The following GAS2L3 variants were observed in gnomAD, a reference collection of about 807,000 sequenced individuals.
GAS2L3 encodes GAS2-like protein 3.
GAS2L3 carries 28 observed loss-of-function variants against 37.0 expected under a neutral mutation model. That is an observed-to-expected ratio of 0.76 (90% confidence interval 0.56 to 1.04). The LOEUF is 1.04. Ranked by LOEUF, GAS2L3 falls within the 50% of genes least tolerant of loss-of-function variation. GAS2L3 has a pLI of 0.00. For synonymous variants in GAS2L3, 290 were observed against 296.6 expected, an observed-to-expected ratio of 0.98 and a Z score of 0.23; for missense variants, 793 against 817.6, an observed-to-expected ratio of 0.97 and a Z score of 0.37.
chr12:100,610,223 A>T (rs1392484493), intron 5 of GAS2L3, among the ~76,000 whole-genome samples: 1 of 152,266 alleles, frequency 6.6e-6, no homozygotes, highest in Admixed American at 6.5e-5. Context: ...AATTAGGAAC[A>T]ACCTAAATGT....
intron 1 of GAS2L3, among the ~76,000 whole-genome samples, chr12:100,586,995 G>A (rs1955789502): frequency 6.6e-6 from 1 of 152,034 alleles, no homozygotes; most frequent in Admixed American, 6.6e-5. Flanking sequence ...ATACATTACT[G>A]GAAAAATACA....
intron 1 of GAS2L3, among the ~76,000 whole-genome samples, chr12:100,590,947 G>A (rs1955839237): frequency 1.3e-5 from 2 of 150,024 alleles, no homozygotes; most frequent in South Asian, 4.3e-4. Context: ...GTGGGAGGGG[G>A]GCAAGGGATA....
chr12:100,616,015 G>GAA (rs143757345), intron 6 of GAS2L3, among the ~76,000 whole-genome samples: 2 of 149,628 alleles, frequency 1.3e-5, no homozygotes, highest in African/African-American at 2.4e-5. Flanking sequence ...TCCATTTCTG[G>GAA]AAAAAAAAAG....
chr12:100,619,348 A>G (rs1956226012), intron 8 of GAS2L3, among the ~76,000 whole-genome samples: 3 of 152,056 alleles, frequency 2.0e-5, no homozygotes, highest in Admixed American at 2.0e-4. Context: ...TGCAGTGACT[A>G]CAATGTGAAC....
intron 5 of GAS2L3, among the ~76,000 whole-genome samples, chr12:100,610,434 T>C (rs1956112516): frequency 6.6e-6 from 1 of 152,144 alleles, no homozygotes; most frequent in African/African-American, 2.4e-5. Context: ...GATACAAATA[T>C]GTGTGTAGTT....
At chr12:100,608,518 G>C (rs2136508756) in intron 5 of GAS2L3, among the ~76,000 whole-genome samples, 1 of 152,274 alleles carries the variant, frequency 6.6e-6, no homozygotes, top group East Asian at 1.9e-4. Flanking sequence ...GTCTAGGAGT[G>C]AGATTGAAGT....
intron 1 of GAS2L3, among the ~76,000 whole-genome samples, chr12:100,574,429 C>G (rs935408248): frequency 1.3e-5 from 2 of 152,158 alleles, no homozygotes; most frequent in African/African-American, 4.8e-5. Context: ...CGCCCACAAC[C>G]CTCAGTTTGG....
At chr12:100,599,788 T>C (rs1157670992) in intron 3 of GAS2L3, among the ~76,000 whole-genome samples, 1 of 152,240 alleles carries the variant, frequency 6.6e-6, no homozygotes, top group Admixed American at 6.5e-5. Context: ...ATGTTAAGAC[T>C]CTGGTCAAGT....
chr12:100,575,476 AT>A (rs58446699), intron 1 of GAS2L3, among the ~76,000 whole-genome samples: 4,437 of 88,416 alleles, frequency 0.05, 28 homozygotes, highest in Middle Eastern at 0.074. Context: ...TGTTATCTCT[AT>A]TTTTTTTTTT....
intron 1 of GAS2L3, chr12:100,578,900 A>G: frequency 1.2e-6 from 1 of 866,094 alleles, no homozygotes; most frequent in Non-Finnish European, 1.9e-6. Flanking sequence ...GGAAAGCCAC[A>G]TTTACCAGCT....
At chr12:100,602,922 C>A (rs1956010659) in intron 5 of GAS2L3, among the ~76,000 whole-genome samples, 1 of 152,106 alleles carries the variant, frequency 6.6e-6, no homozygotes, top group African/African-American at 2.4e-5. Context: ...TGATGTATTT[C>A]ACTTAACATA....
intron 1 of GAS2L3, among the ~76,000 whole-genome samples, chr12:100,574,980 ATT>A (rs201675962): frequency 3.4e-5 from 5 of 146,772 alleles, no homozygotes; most frequent in African/African-American, 9.9e-5. Context: ...AGAAGTAGTA[ATT>A]TTTTTTTTTT....
intron 1 of GAS2L3, among the ~76,000 whole-genome samples, chr12:100,581,943 TTAAAA>T (rs1200510365): frequency 2.6e-5 from 4 of 152,246 alleles, no homozygotes; most frequent in Admixed American, 1.3e-4. Flanking sequence ...AACTTGCAAA[TTAAAA>T]TATTTTTATT....
At chr12:100,622,878 T>G (rs539444414) in intron 9 of GAS2L3, among the ~76,000 whole-genome samples, 19 of 151,400 alleles carry the variant, frequency 1.3e-4, no homozygotes, top group African/African-American at 4.4e-4. Flanking sequence ...TGTATACCAG[T>G]ATGCTGATAT....
chr12:100,605,596 G>A (rs1956046149), intron 5 of GAS2L3, among the ~76,000 whole-genome samples: 2 of 151,198 alleles, frequency 1.3e-5, no homozygotes, highest in Admixed American at 1.3e-4. Context: ...TTTATTTTAT[G>A]TTTTTCTTCT....
chr12:100,623,163 G>A (rs1956280288), intron 9 of GAS2L3, among the ~76,000 whole-genome samples: 1 of 151,968 alleles, frequency 6.6e-6, no homozygotes, highest in Non-Finnish European at 1.5e-5. Context: ...CTGTTTTAAG[G>A]CAGTATGATG....
intron 5 of GAS2L3, among the ~76,000 whole-genome samples, chr12:100,606,507 A>C (rs371629108): frequency 2.0e-5 from 3 of 152,040 alleles, no homozygotes; most frequent in South Asian, 4.1e-4. Flanking sequence ...ATAATTGATA[A>C]ATAAGGACTT....
intron 1 of GAS2L3, among the ~76,000 whole-genome samples, chr12:100,580,587 G>C (rs891428112): frequency 6.6e-6 from 1 of 152,162 alleles, no homozygotes; most frequent in Non-Finnish European, 1.5e-5. Context: ...ACACTCACTA[G>C]ATGTTTACAA....
chr12:100,623,315 A>G lies in GAS2L3; in HGVS notation c.757-247A>G, dbSNP rs557463210. ...AGAGCCAGGATGTCTTATTTTTAGGATGCAAGTTATATGTAAATACCTTCC... is the reference window on the plus strand; with the variant it reads ...AGAGCCAGGATGTCTTATTTTTAGGGTGCAAGTTATATGTAAATACCTTCC... On this transcript the variant is annotated intron_variant, in intron 9 of 9. Coordinates refer to ENST00000547754, the MANE Select transcript of GAS2L3 (RefSeq NM_174942.3). Among the ~76,000 whole-genome samples, 67 of 152,318 alleles carry G rather than the reference A, an allele frequency of 4.4e-4. 1 individual carries two copies. The highest frequency in any genetic ancestry group is 8.2e-4 in the Non-Finnish European group (56 of 68,032).
Sources: gnomAD v4.1 joint callset for allele counts (sites outside exome capture counted in the v4.1 genomes callset) on GRCh38, gnomAD v4.1.1 for gene constraint, MANE v1.5 for transcripts, NCBI Gene and HGNC (gene_info 2026-07-23, HGNC 2026-07-21) for gene names.